FAT3: variants seen among roughly 807,000 people sequenced by gnomAD.
The protein encoded by FAT3 is FAT atypical cadherin 3.
Under a neutral mutation model 310.2 loss-of-function variants are expected in FAT3, and 95 were observed. That is an observed-to-expected ratio of 0.31 (90% CI 0.26 to 0.36). The LOEUF (loss-of-function observed/expected upper bound fraction) is 0.36, where lower values mean the gene tolerates loss of function less well. FAT3 is among the 10% of genes least tolerant of loss of function. The pLI is 1.00. For synonymous variants in FAT3, 2,314 were observed against 2,192.9 expected, an observed-to-expected ratio of 1.06 and a Z score of -1.54; for missense variants, 5,408 against 5,715.6, an observed-to-expected ratio of 0.95 and a Z score of 1.74.
Position 92,801,695 on chromosome 11 carries a change from G to A in FAT3, c.8682G>A (p.Val2894=), listed in dbSNP as rs773031685. ...ACCCCACATTCACCTTCTCTGTGGT[G>A]GCCTCTGACCTTGGAGAGGCATTCT... ...ETDPTFTFSV[V]ASDLGEAFSL... The change falls in exon 10 of 28, where the codon GTG becomes GTA. Residue 2894 remains valine, a synonymous_variant. Coordinates refer to ENST00000525166, the MANE Select transcript of FAT3 (RefSeq NM_001367949.2). 1 of 1,613,792 alleles carries A rather than the reference G, an allele frequency of 6.2e-7. No individual in the cohort carries two copies. Among genetic ancestry groups the A allele is most frequent in the Middle Eastern group, 1.6e-4 (1 of 6,082 alleles).
At chr11:92,331,522 A>AT (rs1947924547) in intron 1 of FAT3, among the ~76,000 whole-genome samples, 1 of 152,156 alleles carries the variant, frequency 6.6e-6, no homozygotes, top group South Asian at 2.1e-4. Context: ...TTCTTATTAA[A>AT]GTGTCTGTCA....
In FAT3 at chr11:92,798,816, A is replaced by G; in HGVS notation, c.5803A>G (p.Asn1935Asp). The G allele has an allele frequency of 6.2e-7, 1 of 1,613,926 alleles. No individual in the cohort carries two copies. The highest frequency in any genetic ancestry group is 2.2e-5 in the East Asian group (1 of 44,848). Residue 1935 changes from asparagine (N) to aspartate (D), a missense_variant, in exon 10 of 28, where the codon AAC (asparagine) becomes GAC (aspartate). By Grantham distance (23) the Asn-to-Asp change is conservative. This residue lies in a region of FAT3 where 4,588 missense variants were observed against 4,809.8 expected (regional missense o/e 0.95). Coordinates refer to ENST00000525166, the MANE Select transcript of FAT3 (RefSeq NM_001367949.2). The stretch of plus-strand genomic sequence containing the variant: ...TTTGGATCATTTTTTAATTGACTCA[A>G]ACAGTGGAGTACTTACCATAAAAAA... ...GSLDHFLIDS[N>D]SGVLTIKNNN...
intron 3 of FAT3, among the ~76,000 whole-genome samples, chr11:92,655,959 T>A (rs1332674712): frequency 6.6e-6 from 1 of 152,216 alleles, no homozygotes; most frequent in African/African-American, 2.4e-5. Flanking sequence ...AAACTTAAGC[T>A]ACTGGATGCA....
intron 3 of FAT3, among the ~76,000 whole-genome samples, chr11:92,545,034 G>A (rs935639659): frequency 3.9e-5 from 6 of 151,996 alleles, no homozygotes; most frequent in African/African-American, 9.7e-5. Context: ...TTCCTCCTCC[G>A]TGCAACCATT....
chr11:92,717,779 G>A (rs1257622041), intron 4 of FAT3, among the ~76,000 whole-genome samples: 1 of 152,140 alleles, frequency 6.6e-6, no homozygotes, highest in African/African-American at 2.4e-5. Context: ...GGACAAAGAT[G>A]AGTAAGATTT....
rs1314667715 is a variant in FAT3 at position 92,896,009 on chromosome 11, T to C, written c.*4896T>C. On this transcript the variant is annotated 3_prime_UTR_variant, in exon 28 of 28. Coordinates refer to ENST00000525166, the MANE Select transcript of FAT3 (RefSeq NM_001367949.2). ...TGTACTGTAACCTTTCTTTGGTTCT[T>C]ACTGTTTTCATTTAACTTTCTCTGT... is the stretch of plus-strand genomic sequence containing the variant. 6.6e-6 allele frequency: 1 copy of C among 152,214 alleles called. No individual in the cohort carries two copies. Among genetic ancestry groups the C allele is most frequent in the African/African-American group, 2.4e-5 (1 of 41,446 alleles). The allele number at this position is 152,214 out of a possible 1,614,324, so 9.4% of individuals were successfully genotyped here. A position where few individuals can be genotyped will look rare whatever the true frequency, so the allele number is the denominator to read the frequency against.
intron 20 of FAT3, among the ~76,000 whole-genome samples, chr11:92,857,593 T>C (rs147933454): frequency 6.6e-6 from 1 of 152,320 alleles, no homozygotes; most frequent in East Asian, 1.9e-4. Context: ...CTGCAACATG[T>C]GTTTTTTATC....
At chr11:92,355,621 T>C (rs988078571) in intron 2 of FAT3, among the ~76,000 whole-genome samples, 4 of 152,098 alleles carry the variant, frequency 2.6e-5, no homozygotes, top group African/African-American at 9.7e-5. Context: ...GGAGTCCTGG[T>C]TTGTTTTGTT....
chr11:92,842,286 G>A (rs1948572914), intron 18 of FAT3, among the ~76,000 whole-genome samples: 1 of 152,172 alleles, frequency 6.6e-6, no homozygotes, highest in South Asian at 2.1e-4. Flanking sequence ...TGAATTTCAG[G>A]ACCTTTTGAC....
chr11:92,798,023 G>C lies in FAT3; in HGVS notation c.5010G>C (p.Lys1670Asn), dbSNP rs1214738831. The C allele has an allele frequency of 1.2e-6, 2 of 1,613,726 alleles. No homozygotes were observed. Among genetic ancestry groups the C allele is most frequent in the Non-Finnish European group, 1.7e-6 (2 of 1,179,874 alleles). The change falls in exon 10 of 28, where the codon AAG becomes AAC. Residue 1670 changes from lysine (K) to asparagine (N), a missense_variant. By Grantham distance (94) the Lys-to-Asn change is moderately conservative (BLOSUM62 0). Coordinates refer to ENST00000525166, the MANE Select transcript of FAT3 (RefSeq NM_001367949.2). ...CCATGTCTGACAATTCTCACCCCAA[G>C]TTCATTCACAAAGACTACCAAGCAG... is the stretch of plus-strand genomic sequence containing the variant. The part of the protein sequence containing the change: ...SVTMSDNSHP[K>N]FIHKDYQAEV...
chr11:92,800,315 A>G lies in FAT3; in HGVS notation c.7302A>G (p.Leu2434=), dbSNP rs1318782668. Residue 2434 remains leucine (L), a synonymous_variant, in exon 10 of 28, where the codon TTA becomes TTG. Transcript: ENST00000525166. ...TTGACCGGTTGGAATATAGCATTTTATCTGGGAATGACCGGACGAGCTTTC... is the reference window on the plus strand; with the variant it reads ...TTGACCGGTTGGAATATAGCATTTTGTCTGGGAATGACCGGACGAGCTTTC... ...SDFDRLEYSI[L]SGNDRTSFLM... The G allele has an allele frequency of 1.2e-6, 2 of 1,613,926 alleles. No individual in the cohort carries two copies. Among genetic ancestry groups the G allele is most frequent in the Non-Finnish European group, 1.7e-6 (2 of 1,179,828 alleles).
At chr11:92,522,258 C>T (rs1281804071) in intron 2 of FAT3, among the ~76,000 whole-genome samples, 2 of 152,146 alleles carry the variant, frequency 1.3e-5, no homozygotes, top group Non-Finnish European at 2.9e-5. Context: ...CTGGGTGGCA[C>T]CTCATGGCAC....
intron 1 of FAT3, among the ~76,000 whole-genome samples, chr11:92,271,697 G>T (rs778957559): frequency 6.6e-6 from 1 of 152,082 alleles, no homozygotes; most frequent in Non-Finnish European, 1.5e-5. Context: ...CTTCCCTTCT[G>T]TAGCTATTTT....
At chr11:92,776,575 T>G (rs926699224) in intron 7 of FAT3, among the ~76,000 whole-genome samples, 1 of 152,214 alleles carries the variant, frequency 6.6e-6, no homozygotes, top group African/African-American at 2.4e-5. Context: ...TACAAGACTT[T>G]GAATGTACAC....
chr11:92,710,606 G>A (rs936211409), intron 4 of FAT3, among the ~76,000 whole-genome samples: 1 of 149,712 alleles, frequency 6.7e-6, no homozygotes, highest in Non-Finnish European at 1.5e-5. Flanking sequence ...TTTTTATTTA[G>A]CATTTTTTAC....
intron 3 of FAT3, among the ~76,000 whole-genome samples, chr11:92,556,130 A>G (rs1202030596): frequency 6.6e-6 from 1 of 152,206 alleles, no homozygotes; most frequent in Non-Finnish European, 1.5e-5. Context: ...GCTCATAGCC[A>G]ACTCAGTTTA....
At chr11:92,842,040 T>TA (rs1164948808) in intron 18 of FAT3, among the ~76,000 whole-genome samples, 1 of 152,222 alleles carries the variant, frequency 6.6e-6, no homozygotes, top group Non-Finnish European at 1.5e-5. Context: ...ATTGAAGTTT[T>TA]ACTGGCACAC....
chr11:92,234,721 G>A (rs1477071021), intron 1 of FAT3, among the ~76,000 whole-genome samples: 1 of 152,082 alleles, frequency 6.6e-6, no homozygotes, highest in East Asian at 1.9e-4. Flanking sequence ...GACCAACATG[G>A]TGAAACCGTA....
chr11:92,831,963 A>G lies in FAT3; in HGVS notation c.9823A>G (p.Ile3275Val). The part of the protein sequence containing the change: ...IGTNAEITYL[I>V]RSGNEQGKFK... ...CACAAATGCTGAGATCACTTATCTC[A>G]TCCGGTCTGGGAACGAACAAGGGAA... Residue 3275 changes from isoleucine (I) to valine (V), a missense_variant, in exon 14 of 28, where the codon ATC becomes GTC. Coordinates refer to ENST00000525166, the MANE Select transcript of FAT3 (RefSeq NM_001367949.2). 1 of 1,575,098 alleles carries G rather than the reference A, an allele frequency of 6.3e-7. No homozygotes were observed. Among genetic ancestry groups the G allele is most frequent in the Non-Finnish European group, 8.6e-7 (1 of 1,159,604 alleles).
Sources: gnomAD v4.1 joint callset for allele counts (sites outside exome capture counted in the v4.1 genomes callset) on GRCh38, gnomAD v4.1.1 for gene constraint, gnomAD v4.1.1 regional missense constraint, MANE v1.5 for transcripts, NCBI Gene and HGNC (gene_info 2026-07-23, HGNC 2026-07-21) for gene names.